The following BRWD3 variants were observed in gnomAD, a reference collection of about 807,000 sequenced individuals.
BRWD3 encodes the protein bromodomain and WD repeat domain containing 3, also known as bromodomain and WD repeat-containing protein 3.
Under a neutral mutation model 149.7 loss-of-function variants are expected in BRWD3, and 10 were observed. The ratio of observed to expected loss-of-function variants is 0.07; its 90% CI spans 0.04 to 0.11. The LOEUF is 0.11. Ranked by LOEUF, BRWD3 falls within the 10% of genes least tolerant of loss-of-function variation. BRWD3 has a pLI of 1.00. For missense variants in BRWD3, 940 were observed against 1,373.2 expected, an observed-to-expected ratio of 0.68 and a Z score of 4.99; for synonymous variants, 504 against 456.7, an observed-to-expected ratio of 1.10 and a Z score of -1.32.
intron 20 of BRWD3, among the ~76,000 whole-genome samples, chrX:80,712,805 C>T (rs1386471774): frequency 2.8e-5 from 3 of 107,708 alleles, no homozygotes; most frequent in Non-Finnish European, 3.9e-5. Flanking sequence ...GCCGCGACCC[C>T]GTCTGGGAGG....
At chrX:80,792,191 C>T (rs2074188871) in intron 5 of BRWD3, among the ~76,000 whole-genome samples, 1 of 112,031 alleles carries the variant, frequency 8.9e-6, no homozygotes, top group African/African-American at 3.2e-5. Flanking sequence ...TGAACTAAAG[C>T]TTTTTTTATG....
chrX:80,791,923 C>A lies in BRWD3; in HGVS notation c.361G>T (p.Ala121Ser). 8.3e-7 allele frequency: 1 copy of A among 1,203,496 alleles called. No homozygotes were observed. Among genetic ancestry groups the A allele is most frequent in the Non-Finnish European group, 1.1e-6 (1 of 888,950 alleles). ...CTGCCTCTATGCAGAGCCGCAAAAGCAGACCCATTCCATAGTGTACTCTTA... is the reference window on the plus strand; with the variant it reads ...CTGCCTCTATGCAGAGCCGCAAAAGAAGACCCATTCCATAGTGTACTCTTA... ...DCKSTLWNGS[A>S]FAALHRGRPP... The change falls in exon 6 of 41, where the codon GCT becomes TCT. Residue 121 changes from alanine to serine, a missense_variant. Ala to Ser is a moderately conservative substitution (Grantham distance 99, BLOSUM62 1). Coordinates refer to ENST00000373275, the MANE Select transcript of BRWD3 (RefSeq NM_153252.5).
chrX:80,708,221 C>A (rs1170217620), intron 21 of BRWD3, among the ~76,000 whole-genome samples: 1 of 109,355 alleles, frequency 9.1e-6, no homozygotes, highest in Non-Finnish European at 1.9e-5. Context: ...TATGGTGAAA[C>A]CCTGTCTCTA....
intron 10 of BRWD3, 117 bp from the exon 11 acceptor site, chrX:80,734,335 T>G (rs916196870): frequency 9.7e-6 from 5 of 513,731 alleles, no homozygotes; most frequent in Non-Finnish European, 1.7e-5. Flanking sequence ...AAACACAAGG[T>G]TGTCTTCTAA....
Position 80,674,168 on chromosome X carries a change from A to C in BRWD3, c.*2441T>G, listed in dbSNP as rs41300183. ...CTCTTTAAATCTTAATAACTGAAAT[A>C]AACATTACAGCAAAATGCTGTTCAC... On this transcript the variant is annotated 3_prime_UTR_variant, in exon 41 of 41. Transcript: ENST00000373275. The C allele has an allele frequency of 7.1e-5, 8 of 111,930 alleles. No individual in the cohort carries two copies. Among genetic ancestry groups the C allele is most frequent in the Non-Finnish European group, 1.5e-4 (8 of 53,033 alleles). 9.2% of individuals were successfully genotyped at this position (111,930 alleles called of 1,213,427 possible). A position where few individuals can be genotyped will look rare whatever the true frequency, so the allele number is the denominator to read the frequency against.
At chrX:80,705,265 C>CAA (rs1347989736) in intron 22 of BRWD3, among the ~76,000 whole-genome samples, 1 of 63,889 alleles carries the variant, frequency 1.6e-5, no homozygotes. Flanking sequence ...GACTCCATCT[C>CAA]AAAAAAAAAA....
At chrX:80,700,691 C>T (rs989911572) in intron 24 of BRWD3, among the ~76,000 whole-genome samples, 29 of 106,052 alleles carry the variant, frequency 2.7e-4, no homozygotes, top group African/African-American at 9.6e-4. Context: ...GAGCCGAGAT[C>T]GCAACATTGC....
At chrX:80,681,901 T>A in intron 39 of BRWD3, 96 bp downstream of exon 39, 1 of 770,257 alleles carries the variant, frequency 1.3e-6, no homozygotes, top group Admixed American at 2.3e-5. Flanking sequence ...TCTAAATCCA[T>A]TGTTCTTTGC....
chrX:80,719,111 C>G (rs1344325277), intron 18 of BRWD3, among the ~76,000 whole-genome samples: 1 of 109,607 alleles, frequency 9.1e-6, no homozygotes, highest in Non-Finnish European at 1.9e-5. Context: ...TTCCTCTCCA[C>G]AAAAGAGGAA....
At chrX:80,711,884 G>A (rs941254331) in intron 20 of BRWD3, among the ~76,000 whole-genome samples, 9 of 111,333 alleles carry the variant, frequency 8.1e-5, no homozygotes, top group Admixed American at 9.5e-5. Context: ...TCTCTAAATT[G>A]TATAAATCCA....
chrX:80,692,256 C>A (rs1602311085), intron 28 of BRWD3, 106 bp from the exon 29 acceptor site: 2 of 692,664 alleles, frequency 2.9e-6, no homozygotes, highest in Non-Finnish European at 4.5e-6. Context: ...TGAAAAAGGG[C>A]AATACAGTTG....
intron 8 of BRWD3, among the ~76,000 whole-genome samples, chrX:80,741,484 C>T (rs2073502035): frequency 8.9e-6 from 1 of 111,904 alleles, no homozygotes; most frequent in Admixed American, 9.4e-5. Context: ...GGAATGGCCA[C>T]ACTGACTTCC....
intron 25 of BRWD3, among the ~76,000 whole-genome samples, chrX:80,699,506 G>A (rs190220038): frequency 9.0e-6 from 1 of 111,523 alleles, no homozygotes; most frequent in East Asian, 2.8e-4. Flanking sequence ...GGAGCCACAT[G>A]GGTATTATAT....
chrX:80,775,316 C>T (rs1396109436), intron 6 of BRWD3, among the ~76,000 whole-genome samples: 1 of 111,941 alleles, frequency 8.9e-6, no homozygotes, highest in Non-Finnish European at 1.9e-5. Flanking sequence ...ACTCCCATCA[C>T]AAACTCTAAG....
chrX:80,735,216 T>C lies in BRWD3; in HGVS notation c.915-19A>G, dbSNP rs1230915110. 1 of 1,168,400 alleles carries C rather than the reference T, an allele frequency of 8.6e-7. No individual in the cohort carries two copies. Among genetic ancestry groups the C allele is most frequent in the African/African-American group, 1.8e-5 (1 of 56,253 alleles). On this transcript the variant is annotated intron_variant, in intron 9 of 40. Coordinates refer to ENST00000373275, the MANE Select transcript of BRWD3 (RefSeq NM_153252.5). ...GCGATCTCTAAAGATAAAAATAAGGTGTTTTTGTGTTTCATCATGTTTGGC... is the reference window on the plus strand; with the variant it reads ...GCGATCTCTAAAGATAAAAATAAGGCGTTTTTGTGTTTCATCATGTTTGGC...
chrX:80,735,046 A>C, intron 10 of BRWD3, 81 bp downstream of exon 10: 1 of 863,600 alleles, frequency 1.2e-6, no homozygotes, highest in Non-Finnish European at 1.7e-6. Flanking sequence ...TCAAATGTGT[A>C]TCTTTTTTCT....
intron 20 of BRWD3, among the ~76,000 whole-genome samples, chrX:80,711,820 C>T (rs146822367): frequency 9.0e-6 from 1 of 111,506 alleles, no homozygotes; most frequent in Non-Finnish European, 1.9e-5. Context: ...AGTTGTCCTG[C>T]CTTTCTGTAC....
chrX:80,786,382 A>G (rs954975558), intron 6 of BRWD3, among the ~76,000 whole-genome samples: 7 of 110,968 alleles, frequency 6.3e-5, no homozygotes, highest in Non-Finnish European at 1.1e-4. Context: ...TTCTATGCAT[A>G]GTGGCAAGAG....
At chrX:80,726,061 CAACAT>C (rs1464302921) in intron 14 of BRWD3, among the ~76,000 whole-genome samples, 1 of 35,820 alleles carries the variant, frequency 2.8e-5, no homozygotes, top group East Asian at 1.0e-3. Flanking sequence ...CTATATAACA[CAACAT>C]GTTTACATGT....
Sources: gnomAD v4.1 joint callset for allele counts (sites outside exome capture counted in the v4.1 genomes callset) on GRCh38, gnomAD v4.1.1 for gene constraint, MANE v1.5 for transcripts, NCBI Gene and HGNC (gene_info 2026-07-23, HGNC 2026-07-21) for gene names.